The following TNIK variants were observed in gnomAD, a reference collection of about 807,000 sequenced individuals.
The protein encoded by TNIK is TRAF2 and NCK-interacting protein kinase.
A neutral mutation model predicts 191.3 loss-of-function variants in TNIK; 49 were observed. That is an observed-to-expected ratio of 0.26 (90% CI 0.20 to 0.32). TNIK has a LOEUF of 0.32. TNIK is among the 10% of genes least tolerant of loss of function. TNIK has a pLI of 1.00. For missense variants in TNIK, 1,155 were observed against 1,702.3 expected, an observed-to-expected ratio of 0.68 and a Z score of 5.66; for synonymous variants, 594 against 600.9, an observed-to-expected ratio of 0.99 and a Z score of 0.17.
intron 2 of TNIK, among the ~76,000 whole-genome samples, chr3:171,242,058 T>C (rs1745058042): frequency 6.6e-6 from 1 of 151,448 alleles, no homozygotes; most frequent in Non-Finnish European, 1.5e-5. Context: ...GAGATACACC[T>C]AATGTAAATG....
chr3:171,147,074 C>T (rs1041090273), intron 12 of TNIK, among the ~76,000 whole-genome samples: 3 of 152,054 alleles, frequency 2.0e-5, no homozygotes, highest in Admixed American at 1.3e-4. Context: ...CAGAGTGAAA[C>T]GAAGCAGAAT....
At chr3:171,428,510 C>T (rs1724935354) in intron 1 of TNIK, among the ~76,000 whole-genome samples, 1 of 152,050 alleles carries the variant, frequency 6.6e-6, no homozygotes, top group Non-Finnish European at 1.5e-5. Flanking sequence ...GAAAAGAAAG[C>T]ATGTTAGCTT....
chr3:171,153,155 A>G (rs1344218771), intron 12 of TNIK, among the ~76,000 whole-genome samples: 1 of 152,196 alleles, frequency 6.6e-6, no homozygotes, highest in Non-Finnish European at 1.5e-5. Flanking sequence ...AGCATTCTGC[A>G]GAGCTGGCCC....
intron 32 of TNIK, among the ~76,000 whole-genome samples, chr3:171,064,342 T>G (rs919322983): frequency 1.3e-5 from 2 of 152,156 alleles, no homozygotes; most frequent in Admixed American, 1.3e-4. Context: ...AAGCTTCCCT[T>G]CTCTCACCCT....
chr3:171,222,251 T>A (rs911164555), intron 3 of TNIK, among the ~76,000 whole-genome samples: 1 of 152,170 alleles, frequency 6.6e-6, no homozygotes, highest in Non-Finnish European at 1.5e-5. Flanking sequence ...ATGCCCTGAC[T>A]GGCTCGATTT....
In TNIK at chr3:171,175,243, CA is replaced by C; in HGVS notation, c.773+8del. ...CTTAGATCTGCGAAACATCGAAGAC[CA>C]AACTCACCACTTCTTAGACTTCAGC... On this transcript the variant is annotated splice_region_variant and intron_variant, in intron 9 of 32. Transcript: ENST00000436636. 6.2e-7 allele frequency: 1 copy of C among 1,611,508 alleles called. No individual in the cohort carries two copies. Among genetic ancestry groups the C allele is most frequent in the Non-Finnish European group, 8.5e-7 (1 of 1,178,972 alleles).
intron 18 of TNIK, among the ~76,000 whole-genome samples, chr3:171,122,694 A>G (rs1431179487): frequency 6.6e-6 from 1 of 152,224 alleles, no homozygotes; most frequent in Non-Finnish European, 1.5e-5. Context: ...ATTCTCTCTT[A>G]CTAGCAAAGG....
At chr3:171,177,014 C>T (rs1242546653) in intron 8 of TNIK, among the ~76,000 whole-genome samples, 2 of 152,002 alleles carry the variant, frequency 1.3e-5, no homozygotes, top group African/African-American at 4.8e-5. Flanking sequence ...GAGTTGGTCA[C>T]AGTTTTATGT....
intron 23 of TNIK, among the ~76,000 whole-genome samples, chr3:171,087,964 C>G (rs1721580609): frequency 6.6e-6 from 1 of 152,214 alleles, no homozygotes. Context: ...GTGTGGAGTA[C>G]TCCAAGAAAG....
intron 2 of TNIK, among the ~76,000 whole-genome samples, chr3:171,352,754 C>T (rs1462591989): frequency 6.6e-6 from 1 of 152,150 alleles, no homozygotes; most frequent in East Asian, 1.9e-4. Flanking sequence ...AAGCTTTCAA[C>T]AAACTTCTTA....
In TNIK at chr3:171,299,817, T is replaced by C. The variant is rs192306432; in HGVS notation, c.123+69803A>G. 4.6e-5 allele frequency among the ~76,000 whole-genome samples: 7 copies of C among 152,306 alleles called. No individual in the cohort carries two copies. The East Asian group carries it at 1.3e-3, about 29-fold the overall frequency. Reference sequence around the variant, plus strand: ...CCTCTTCTTGACAGAGTCTTAAGTGTGCTGAGTGGTAGCCACAGGCTTTGG... The same window carrying C: ...CCTCTTCTTGACAGAGTCTTAAGTGCGCTGAGTGGTAGCCACAGGCTTTGG... On this transcript the variant is annotated intron_variant, in intron 2 of 32. Coordinates refer to ENST00000436636, the MANE Select transcript of TNIK (RefSeq NM_015028.4).
chr3:171,130,571 C>T (rs1368522369), intron 15 of TNIK, among the ~76,000 whole-genome samples: 1 of 152,114 alleles, frequency 6.6e-6, no homozygotes, highest in African/African-American at 2.4e-5. Context: ...TGAGATAAGA[C>T]CACAAAGAAG....
chr3:171,212,036 G>A (rs1740894214), intron 3 of TNIK, among the ~76,000 whole-genome samples: 1 of 152,152 alleles, frequency 6.6e-6, no homozygotes, highest in African/African-American at 2.4e-5. Flanking sequence ...CTGCAGAAGA[G>A]TGTTTTATTG....
At chr3:171,323,021 T>C (rs1755335911) in intron 2 of TNIK, among the ~76,000 whole-genome samples, 1 of 152,122 alleles carries the variant, frequency 6.6e-6, no homozygotes, top group Non-Finnish European at 1.5e-5. Context: ...GAAATTTACA[T>C]TTTGGTGTCC....
Position 171,123,635 on chromosome 3 carries a change from G to T in TNIK, c.2081C>A (p.Ala694Asp). 1 of 1,575,652 alleles carries T rather than the reference G, an allele frequency of 6.3e-7. No individual in the cohort carries two copies. The part of the protein sequence containing the change: ...ARKNSPGNGS[A>D]LGPRLGSQPI... ...TTGAGATCCTAGTCTGGGTCCCAGAGCACTACCATTCCCAGGAGAATTCTT... is the reference window on the plus strand; with the variant it reads ...TTGAGATCCTAGTCTGGGTCCCAGATCACTACCATTCCCAGGAGAATTCTT... The change falls in exon 18 of 33, where the codon GCT becomes GAT. Residue 694 changes from alanine (A) to aspartate (D), a missense_variant. By Grantham distance (126) the Ala-to-Asp change is moderately radical. Around this residue, in one of 3 missense-constraint regions of TNIK, gnomAD observed 735 missense variants for 848.0 expected, o/e 0.87. Coordinates refer to ENST00000436636, the MANE Select transcript of TNIK (RefSeq NM_015028.4).
intron 2 of TNIK, among the ~76,000 whole-genome samples, chr3:171,359,248 A>G (rs1274946539): frequency 6.6e-6 from 1 of 152,218 alleles, no homozygotes; most frequent in Non-Finnish European, 1.5e-5. Context: ...TTCTCAAGCC[A>G]TACTCGAAGT....
intron 2 of TNIK, among the ~76,000 whole-genome samples, chr3:171,243,675 C>T (rs1745245860): frequency 6.6e-6 from 1 of 152,148 alleles, no homozygotes; most frequent in East Asian, 1.9e-4. Flanking sequence ...ACATTTCTCA[C>T]ACAACAAATT....
intron 28 of TNIK, among the ~76,000 whole-genome samples, chr3:171,077,071 TCCC>T (rs34196156): frequency 2.1e-5 from 3 of 142,980 alleles, no homozygotes; most frequent in South Asian, 4.6e-4. Context: ...CCTTTCTTGT[TCCC>T]CCCCCCCTTT....
chr3:171,325,763 T>C (rs1176056123), intron 2 of TNIK, among the ~76,000 whole-genome samples: 3 of 152,232 alleles, frequency 2.0e-5, no homozygotes, highest in Non-Finnish European at 1.5e-5. Context: ...AGAGGACCAC[T>C]CTGGAAAGGG....
Sources: allele counts gnomAD v4.1 joint callset (sites outside exome capture counted in the v4.1 genomes callset), GRCh38; gene constraint gnomAD v4.1.1; regional missense constraint gnomAD v4.1.1; transcripts MANE v1.5; gene names NCBI Gene and HGNC (gene_info 2026-07-23, HGNC 2026-07-21).